The following ITPR2 variants were observed in gnomAD, a reference collection of about 807,000 sequenced individuals.
The protein encoded by ITPR2 is inositol 1,4,5-trisphosphate receptor type 2.
A neutral mutation model predicts 317.1 loss-of-function variants in ITPR2; 207 were observed. The observed-to-expected ratio is 0.65, with a 90% CI of 0.58 to 0.73. The LOEUF (loss-of-function observed/expected upper bound fraction) is 0.73. ITPR2 is among the 30% of genes least tolerant of loss of function. The probability of loss-of-function intolerance (pLI) is 0.00; values close to 1 mark genes in which losing one functional copy is unlikely to be tolerated. For synonymous variants in ITPR2, 1,156 were observed against 1,149.1 expected (o/e 1.01, Z -0.12); for missense variants, 2,613 against 3,284.0 (o/e 0.80, Z 4.99).
In ITPR2 at chr12:26,569,612, G is replaced by T. The variant is rs147502312; in HGVS notation, c.4631-7660C>A. On this transcript the variant is annotated intron_variant, in intron 34 of 56. Transcript: ENST00000381340. ...AAAAAAATTGTTACTTATAGGCAAA[G>T]AGATCATTTTCTTAAAAATGGTTAC... Among the ~76,000 whole-genome samples, 5 of 150,836 alleles carry T rather than the reference G, an allele frequency of 3.3e-5. No individual in the cohort carries two copies. The East Asian group carries it at 9.7e-4, about 29-fold the overall frequency.
chr12:26,418,932 A>C, intron 50 of ITPR2, 117 bp downstream of exon 50: 1 of 811,776 alleles, frequency 1.2e-6, no homozygotes, highest in Non-Finnish European at 1.8e-6. Flanking sequence ...TAAAAATAAC[A>C]TAATTTGTCC....
intron 13 of ITPR2, among the ~76,000 whole-genome samples, chr12:26,674,760 A>G (rs916841951): frequency 3.9e-5 from 6 of 152,176 alleles, no homozygotes; most frequent in African/African-American, 1.4e-4. Flanking sequence ...TGAACAGGCA[A>G]CCCACAAAAT....
intron 2 of ITPR2, among the ~76,000 whole-genome samples, chr12:26,751,499 A>G (rs1949416969): frequency 1.3e-5 from 2 of 152,100 alleles, no homozygotes; most frequent in Non-Finnish European, 1.5e-5. Flanking sequence ...TCTTTTTATT[A>G]CTCTATATAT....
At chr12:26,661,953 AAT>A (rs1479142741) in intron 15 of ITPR2, among the ~76,000 whole-genome samples, 1 of 152,208 alleles carries the variant, frequency 6.6e-6, no homozygotes, top group African/African-American at 2.4e-5. Context: ...AAAGGAACCC[AAT>A]GAAGTCCGGA....
intron 37 of ITPR2, among the ~76,000 whole-genome samples, chr12:26,542,271 C>T (rs961378911): frequency 6.6e-6 from 1 of 152,098 alleles, no homozygotes; most frequent in Non-Finnish European, 1.5e-5. Context: ...CAAATTTTAT[C>T]AAGAATAAAA....
intron 55 of ITPR2, among the ~76,000 whole-genome samples, chr12:26,373,941 C>A (rs1416844640): frequency 6.6e-6 from 1 of 152,194 alleles, no homozygotes; most frequent in African/African-American, 2.4e-5. Context: ...TTGCCCCTAG[C>A]CTCCCAGGGT....
chr12:26,510,391 G>C (rs547035870), intron 37 of ITPR2, among the ~76,000 whole-genome samples: 25 of 145,314 alleles, frequency 1.7e-4, no homozygotes, highest in Non-Finnish European at 2.6e-4. Flanking sequence ...TAAAGGATGA[G>C]AAGAAGACAT....
At position 26,622,298 on chromosome 12, in the gene ITPR2, A is replaced by G. The variant is rs1403789371; in HGVS notation, c.3230T>C (p.Leu1077Pro). The change falls in exon 25 of 57, where the codon CTG becomes CCG. Residue 1077 changes from leucine to proline, a missense_variant. Physicochemically the swap from Leu to Pro is moderately conservative, Grantham distance 98. Around this residue, in one of 9 missense-constraint regions of ITPR2, gnomAD observed 817 missense variants for 897.6 expected, o/e 0.91. Transcript: ENST00000381340. ...HDYPPLLSGA[L>P]QLLFKHFSQR... ...GCTGAAGTGCTTAAACAACAGCTGC[A>G]GGGCTCCAGACAGCAAAGGCGGGTA... 6.2e-7 allele frequency: 1 copy of G among 1,614,022 alleles called. No individual in the cohort carries two copies.
intron 38 of ITPR2, among the ~76,000 whole-genome samples, chr12:26,494,600 A>G (rs1285276998): frequency 1.3e-5 from 2 of 151,566 alleles, no homozygotes; most frequent in East Asian, 3.9e-4. Flanking sequence ...TGAAACCCCA[A>G]TTCTACTAAA....
intron 47 of ITPR2, among the ~76,000 whole-genome samples, chr12:26,438,908 C>G (rs1371853497): frequency 6.6e-6 from 1 of 152,134 alleles, no homozygotes; most frequent in Admixed American, 6.6e-5. Flanking sequence ...CATGAAGAGT[C>G]GATGTAATTA....
chr12:26,464,885 T>G (rs1419840605), intron 45 of ITPR2, among the ~76,000 whole-genome samples: 1 of 152,182 alleles, frequency 6.6e-6, no homozygotes, highest in Admixed American at 6.5e-5. Context: ...CTGGGGTATC[T>G]GAGTTGTACA....
intron 55 of ITPR2, among the ~76,000 whole-genome samples, chr12:26,354,331 T>C (rs1246475885): frequency 6.6e-6 from 1 of 152,176 alleles, no homozygotes; most frequent in Non-Finnish European, 1.5e-5. Context: ...TGATAGTATA[T>C]TTTTAGGTTT....
At chr12:26,721,647 A>C (rs1304797000) in intron 5 of ITPR2, among the ~76,000 whole-genome samples, 1 of 152,162 alleles carries the variant, frequency 6.6e-6, no homozygotes, top group Non-Finnish European at 1.5e-5. Context: ...TATTTTATTT[A>C]TTACATGCAA....
intron 1 of ITPR2, among the ~76,000 whole-genome samples, chr12:26,793,426 G>A (rs554221677): frequency 3.9e-5 from 6 of 152,220 alleles, no homozygotes; most frequent in Admixed American, 1.3e-4. Context: ...ACTTTCTGGG[G>A]ACGAGGACTG....
At chr12:26,795,520 C>T (rs976782525) in intron 1 of ITPR2, among the ~76,000 whole-genome samples, 1 of 151,960 alleles carries the variant, frequency 6.6e-6, no homozygotes, top group Non-Finnish European at 1.5e-5. Context: ...AAAAGTAAGA[C>T]TTCCATCCAC....
chr12:26,812,877 CTATT>C (rs1950781136), intron 1 of ITPR2, among the ~76,000 whole-genome samples: 1 of 152,218 alleles, frequency 6.6e-6, no homozygotes, highest in South Asian at 2.1e-4. Context: ...TATCAAACAT[CTATT>C]TATTCAATGA....
intron 55 of ITPR2, among the ~76,000 whole-genome samples, chr12:26,355,943 A>G (rs917617821): frequency 2.0e-5 from 3 of 152,224 alleles, no homozygotes; most frequent in African/African-American, 7.2e-5. Context: ...AAACTTTCCC[A>G]TTAGCATCAG....
chr12:26,777,121 T>C (rs12581140), intron 2 of ITPR2, among the ~76,000 whole-genome samples: 55,728 of 152,052 alleles, frequency 0.37, 12,698 homozygotes, highest in Non-Finnish European at 0.53. Context: ...TAAAAAAAGG[T>C]TCAAATAGTT....
chr12:26,495,764 A>G (rs146448943), intron 37 of ITPR2, among the ~76,000 whole-genome samples: 41 of 152,366 alleles, frequency 2.7e-4, no homozygotes, highest in African/African-American at 9.6e-4. Flanking sequence ...AAGAAGACTC[A>G]GAATAATAAA....
Sources: gnomAD v4.1 joint callset for allele counts (sites outside exome capture counted in the v4.1 genomes callset) on GRCh38, gnomAD v4.1.1 for gene constraint, gnomAD v4.1.1 regional missense constraint, MANE v1.5 for transcripts, NCBI Gene and HGNC (gene_info 2026-07-23, HGNC 2026-07-21) for gene names.